Variants in UIMC1 observed in about 807,000 individuals in gnomAD.
UIMC1 encodes BRCA1-A complex subunit RAP80.
UIMC1 carries 42 observed loss-of-function variants against 84.9 expected under a neutral mutation model. The ratio of observed to expected loss-of-function variants is 0.49; its 90% CI spans 0.39 to 0.64. The LOEUF (loss-of-function observed/expected upper bound fraction) is 0.64, where lower values mean the gene tolerates loss of function less well. UIMC1 is among the 30% of genes least tolerant of loss of function. UIMC1 has a pLI of 0.00. For missense variants in UIMC1, 825 were observed against 847.6 expected (o/e 0.97, Z 0.33); for synonymous variants, 281 against 293.0 (o/e 0.96, Z 0.42).
intron 1 of UIMC1, among the ~76,000 whole-genome samples, chr5:177,012,363 C>A (rs1775568285): frequency 1.3e-5 from 2 of 152,116 alleles, no homozygotes; most frequent in African/African-American, 4.8e-5. Flanking sequence ...AAGCCCCTCT[C>A]CCCACAGATT....
At chr5:177,004,658 AT>A (rs1354965847) in intron 1 of UIMC1, among the ~76,000 whole-genome samples, 3 of 152,204 alleles carry the variant, frequency 2.0e-5, no homozygotes, top group Non-Finnish European at 4.4e-5. Flanking sequence ...AATGAGACTT[AT>A]TTATTTCACA....
At chr5:177,005,206 TGA>T (rs1775085649) in intron 1 of UIMC1, among the ~76,000 whole-genome samples, 1 of 151,838 alleles carries the variant, frequency 6.6e-6, no homozygotes, top group Non-Finnish European at 1.5e-5. Flanking sequence ...CCTGAGTAGC[TGA>T]GACTATAGGC....
chr5:176,905,071 TA>T lies in UIMC1; in HGVS notation c.*210del. 1 of 440,090 alleles carries T rather than the reference TA, an allele frequency of 2.3e-6. No homozygotes were observed. The highest frequency in any genetic ancestry group is 4.8e-5 in the South Asian group (1 of 20,894). The allele number at this position is 440,090 out of a possible 1,614,324, so 27.3% of individuals were successfully genotyped here. ...TAAATATATTTAAATTTTTTAACTG[TA>T]AGTAAATTCAAACAAACTGTTATAA... On this transcript the variant is annotated 3_prime_UTR_variant, in exon 15 of 15. Coordinates refer to ENST00000511320, the MANE Select transcript of UIMC1 (RefSeq NM_001199298.2).
At chr5:176,905,898 A>G in intron 14 of UIMC1, 113 bp downstream of exon 14, 1 of 1,158,594 alleles carries the variant, frequency 8.6e-7, no homozygotes, top group Middle Eastern at 2.0e-4. Flanking sequence ...TAATAGTTCC[A>G]CAGTGATTTC....
At chr5:176,993,922 T>C (rs188539765) in intron 1 of UIMC1, among the ~76,000 whole-genome samples, 121 of 151,448 alleles carry the variant, frequency 8.0e-4, no homozygotes, top group South Asian at 1.5e-3. Flanking sequence ...GCAGGAGAAC[T>C]GCTTGCACTC....
rs1768665644 is a variant in UIMC1 at position 176,968,484 on chromosome 5, T to C, written c.1200+71A>G. 2.0e-6 allele frequency: 3 copies of C among 1,520,898 alleles called. No homozygotes were observed. The African/African-American group carries it at 4.2e-5, about 21-fold the overall frequency. The allele number at this position is 1,520,898 out of a possible 1,614,324, so 94.2% of individuals were successfully genotyped here. On this transcript the variant is annotated intron_variant, in intron 6 of 14. Coordinates refer to ENST00000511320, the MANE Select transcript of UIMC1 (RefSeq NM_001199298.2). Reference sequence around the variant, plus strand: ...ATCAAGGAGGGGAAGACCACAAAAATAACAGCTAAAATAATCCTTGTTTTA... The same window carrying C: ...ATCAAGGAGGGGAAGACCACAAAAACAACAGCTAAAATAATCCTTGTTTTA...
intron 1 of UIMC1, among the ~76,000 whole-genome samples, chr5:177,003,381 G>A (rs1416453853): frequency 6.6e-6 from 1 of 152,100 alleles, no homozygotes; most frequent in Admixed American, 6.6e-5. Flanking sequence ...TAGGCCGGGC[G>A]CGGTGGTTCA....
chr5:176,923,553 CAAA>C (rs140083057), intron 10 of UIMC1, among the ~76,000 whole-genome samples: 1 of 120,412 alleles, frequency 8.3e-6, no homozygotes, highest in African/African-American at 3.2e-5. Flanking sequence ...GTATCAAAAG[CAAA>C]AAAAAAAAAG....
chr5:177,009,896 G>A (rs1435327947), upstream of UIMC1, among the ~76,000 whole-genome samples: 3 of 152,294 alleles, frequency 2.0e-5, no homozygotes, highest in East Asian at 1.9e-4. The surrounding 1 kb of genome is among the most constrained non-coding windows in gnomAD (Gnocchi z 4.3). Flanking sequence ...TTAGCTGGGC[G>A]TGGTGGCACG....
chr5:176,950,453 A>G (rs1765723624), intron 9 of UIMC1, among the ~76,000 whole-genome samples: 3 of 152,140 alleles, frequency 2.0e-5, no homozygotes, highest in African/African-American at 7.2e-5. Flanking sequence ...CAATGTAACC[A>G]AAATCTTTAT....
intron 1 of UIMC1, among the ~76,000 whole-genome samples, chr5:177,000,604 G>GA (rs1162028074): frequency 1.3e-5 from 2 of 148,416 alleles, no homozygotes; most frequent in Non-Finnish European, 3.0e-5. Flanking sequence ...AGGTTCAAGT[G>GA]ATTCTCCTGC....
chr5:177,008,396 C>T (rs1474619864), upstream of UIMC1, among the ~76,000 whole-genome samples: 2 of 152,124 alleles, frequency 1.3e-5, no homozygotes, highest in African/African-American at 4.8e-5. Context: ...ATTCTTTGCT[C>T]TATGAGTCTA....
chr5:176,987,253 G>T (rs1772164060), intron 1 of UIMC1, among the ~76,000 whole-genome samples: 2 of 152,002 alleles, frequency 1.3e-5, no homozygotes, highest in African/African-American at 4.8e-5. Context: ...GTTCATCAAG[G>T]TTATCTTGCC....
At chr5:176,953,495 TACACACACACAC>T (rs137955830) in intron 8 of UIMC1, among the ~76,000 whole-genome samples, 4 of 136,978 alleles carry the variant, frequency 2.9e-5, no homozygotes, top group South Asian at 2.4e-4. Context: ...ACTGGACACA[TACACACACACAC>T]ACACACACAC....
chr5:176,932,794 T>A (rs899362600), intron 10 of UIMC1, among the ~76,000 whole-genome samples: 1 of 151,290 alleles, frequency 6.6e-6, no homozygotes, highest in African/African-American at 2.4e-5. Context: ...TGACCCCCGG[T>A]GACCAGGCCG....
At chr5:176,991,626 G>A (rs1488758807) in intron 1 of UIMC1, among the ~76,000 whole-genome samples, 20 of 98,716 alleles carry the variant, frequency 2.0e-4, no homozygotes, top group African/African-American at 3.9e-4. Flanking sequence ...GTGAAACTCC[G>A]TCTCAAAAAA....
chr5:176,980,401 C>T (rs1442747219), intron 2 of UIMC1: 1 of 152,110 alleles, frequency 6.6e-6, no homozygotes, highest in Non-Finnish European at 1.5e-5. Context: ...CTAACACAGA[C>T]ATTAAGTGAA....
intron 11 of UIMC1, 28 bp from the exon 12 acceptor site, chr5:176,908,722 C>T: frequency 6.2e-7 from 1 of 1,603,586 alleles, no homozygotes; most frequent in Non-Finnish European, 8.5e-7. Context: ...AGGAAGAAAA[C>T]ACAGTTTTAA....
intron 10 of UIMC1, among the ~76,000 whole-genome samples, chr5:176,933,259 C>A (rs558479296): frequency 6.6e-6 from 1 of 152,254 alleles, no homozygotes; most frequent in South Asian, 2.1e-4. Context: ...TCAGAGAATT[C>A]TTCTTCGAAG....
Sources: gnomAD v4.1 joint callset for allele counts (sites outside exome capture counted in the v4.1 genomes callset) on GRCh38, gnomAD v4.1.1 for gene constraint, Gnocchi (gnomAD v3.1) non-coding constraint, MANE v1.5 for transcripts, NCBI Gene and HGNC (gene_info 2026-07-23, HGNC 2026-07-21) for gene names.